DGCR2: variants seen among roughly 807,000 people sequenced by gnomAD.
The protein encoded by DGCR2 is DiGeorge syndrome critical region gene 2.
Under a neutral mutation model 51.6 loss-of-function variants are expected in DGCR2, and 24 were observed. The observed-to-expected ratio is 0.47, with a 90% CI of 0.34 to 0.65. The LOEUF (loss-of-function observed/expected upper bound fraction) is 0.65. DGCR2 is among the 30% of genes least tolerant of loss of function. The pLI is 0.01. For missense variants in DGCR2, 765 were observed against 772.1 expected, an observed-to-expected ratio of 0.99 and a Z score of 0.11; for synonymous variants, 340 against 315.4, an observed-to-expected ratio of 1.08 and a Z score of -0.82.
At chr22:19,045,788 G>A (rs1054846151) in intron 7 of DGCR2, among the ~76,000 whole-genome samples, 8 of 152,116 alleles carry the variant, frequency 5.3e-5, no homozygotes, top group South Asian at 2.1e-4. Context: ...GTACAGTGGC[G>A]TGATCTCAGC....
chr22:19,076,724 ATTTTTTTTTT>A (rs1165827499), intron 2 of DGCR2, among the ~76,000 whole-genome samples: 5 of 79,936 alleles, frequency 6.3e-5, no homozygotes, highest in African/African-American at 2.1e-4. Context: ...TCCTTTGCAC[ATTTTTTTTTT>A]TTTTTTTTTT....
chr22:19,077,741 T>C lies in DGCR2; in HGVS notation c.203-9516A>G, dbSNP rs1479194775. Among the ~76,000 whole-genome samples the C allele has an allele frequency of 3.3e-5, 5 of 152,164 alleles. No individual in the cohort carries two copies. The East Asian group carries it at 7.7e-4, about 23-fold the overall frequency. On this transcript the variant is annotated intron_variant, in intron 2 of 9. Coordinates refer to ENST00000263196, the MANE Select transcript of DGCR2 (RefSeq NM_005137.3). ...CAAAAAAAACTTGTTGGCATTTTAA[T>C]AGGGATTGAATCTGTAGATTGCTTT...
intron 1 of DGCR2, among the ~76,000 whole-genome samples, chr22:19,116,878 C>T (rs762576922): frequency 1.2e-4 from 19 of 152,194 alleles, no homozygotes; most frequent in South Asian, 2.1e-4. Context: ...ACTAGATCAC[C>T]TGTCATCACT....
intron 5 of DGCR2, among the ~76,000 whole-genome samples, chr22:19,062,779 A>ATTCATTCTCATT: frequency 7.9e-6 from 1 of 127,354 alleles, no homozygotes. Context: ...ATGCATGCTC[A>ATTCATTCTCATT]CTCTCTCTCT....
In DGCR2 at chr22:19,068,237, A is replaced by T. The variant is rs2082773002; in HGVS notation, c.203-12T>A. On this transcript the variant is annotated splice_polypyrimidine_tract_variant and intron_variant, in intron 2 of 9. Coordinates refer to ENST00000263196, the MANE Select transcript of DGCR2 (RefSeq NM_005137.3). ...CTCCCCGGTCACTTCTGAAAGCAAA[A>T]GGAGATGTGTGCTGTGAGTCCTGCC... 6.3e-7 allele frequency: 1 copy of T among 1,583,588 alleles called. No homozygotes were observed. The highest frequency in any genetic ancestry group is 2.3e-5 in the East Asian group (1 of 44,020).
At position 19,048,647 on chromosome 22, in the gene DGCR2, C is replaced by G; in HGVS notation, c.803-4G>C. ...TTGATGTCAACACATGTTTGACCTGCAATGAGCATACATTGTGTACAGATG... is the reference window on the plus strand; with the variant it reads ...TTGATGTCAACACATGTTTGACCTGGAATGAGCATACATTGTGTACAGATG... On this transcript the variant is annotated splice_region_variant and splice_polypyrimidine_tract_variant and intron_variant, in intron 6 of 9. Coordinates refer to ENST00000263196, the MANE Select transcript of DGCR2 (RefSeq NM_005137.3). 6.2e-7 allele frequency: 1 copy of G among 1,614,088 alleles called. No homozygotes were observed. Among genetic ancestry groups the G allele is most frequent in the Non-Finnish European group, 8.5e-7 (1 of 1,179,950 alleles).
intron 2 of DGCR2, among the ~76,000 whole-genome samples, chr22:19,073,408 G>A (rs1449072256): frequency 6.6e-6 from 1 of 152,168 alleles, no homozygotes; most frequent in Non-Finnish European, 1.5e-5. Context: ...CAATCCAAGA[G>A]CTCCAATTCC....
At position 19,099,098 on chromosome 22, in the gene DGCR2, A is replaced by C. The variant is rs2083172155; in HGVS notation, c.80-9608T>G. On this transcript the variant is annotated intron_variant, in intron 1 of 9. Coordinates refer to ENST00000263196, the MANE Select transcript of DGCR2 (RefSeq NM_005137.3). ...TCAAGCCGGGTCTATTCTGGAAGCA[A>C]CTGAAGATGTGGATCACTCATTAAC... Among the ~76,000 whole-genome samples, 3 of 152,188 alleles carry C rather than the reference A, an allele frequency of 2.0e-5. No individual in the cohort carries two copies. The South Asian group carries it at 6.2e-4, about 31-fold the overall frequency.
chr22:19,076,416 C>A (rs902893396), intron 2 of DGCR2, among the ~76,000 whole-genome samples: 2 of 152,062 alleles, frequency 1.3e-5, no homozygotes, highest in Non-Finnish European at 2.9e-5. Context: ...CCGCCCGCCT[C>A]GGCCTCCCAA....
At chr22:19,100,695 G>A (rs1241631107) in intron 1 of DGCR2, among the ~76,000 whole-genome samples, 1 of 150,416 alleles carries the variant, frequency 6.6e-6, no homozygotes, top group Non-Finnish European at 1.5e-5. Flanking sequence ...CACATCAGCA[G>A]TTCCTAGACT....
chr22:19,112,143 C>T (rs561523089), intron 1 of DGCR2, among the ~76,000 whole-genome samples: 55 of 151,852 alleles, frequency 3.6e-4, no homozygotes, highest in African/African-American at 1.2e-3. Flanking sequence ...CGTGGTGGCA[C>T]GCACCTGTAG....
rs767702771 is a variant in DGCR2 at position 19,068,208 on chromosome 22, G to A, written c.220C>T (p.Arg74Cys). The A allele has an allele frequency of 3.1e-6, 5 of 1,604,050 alleles. No homozygotes were observed. Among genetic ancestry groups the A allele is most frequent in the South Asian group, 2.2e-5 (2 of 89,858 alleles). ...ANCPEVTGEVRPHHGKEAVDP... is the reference protein window; with the variant it reads ...ANCPEVTGEVCPHHGKEAVDP... The stretch of plus-strand genomic sequence containing the variant: ...ACAGCCTCCTTCCCATGATGAGGAC[G>A]CACCTCCCCGGTCACTTCTGAAAGC... Residue 74 changes from arginine (R) to cysteine (C), a missense_variant, in exon 3 of 10, where the codon CGT (arginine) becomes TGT (cysteine). By Grantham distance (180) the Arg-to-Cys change is radical. Coordinates refer to ENST00000263196, the MANE Select transcript of DGCR2 (RefSeq NM_005137.3).
intron 2 of DGCR2, among the ~76,000 whole-genome samples, chr22:19,089,079 A>C (rs1171063717): frequency 1.3e-5 from 2 of 152,124 alleles, no homozygotes; most frequent in African/African-American, 4.8e-5. Context: ...AGGGGTTCAC[A>C]CTCAAGATCA....
intron 1 of DGCR2, among the ~76,000 whole-genome samples, chr22:19,114,772 T>C (rs147957645): frequency 6.6e-6 from 1 of 152,082 alleles, no homozygotes; most frequent in East Asian, 1.9e-4. Flanking sequence ...TATGAACTCC[T>C]AAGGAAGGTT....
intron 5 of DGCR2, among the ~76,000 whole-genome samples, chr22:19,062,142 C>A (rs758770039): frequency 1.3e-5 from 2 of 152,210 alleles, no homozygotes; most frequent in African/African-American, 2.4e-5. Flanking sequence ...ACCCAGAAGC[C>A]ATTGATTAGT....
intron 1 of DGCR2, among the ~76,000 whole-genome samples, chr22:19,108,947 C>G (rs2083287430): frequency 6.6e-6 from 1 of 152,010 alleles, no homozygotes; most frequent in African/African-American, 2.4e-5. Context: ...AGGAGGATCA[C>G]TTGAACCCAG....
rs1401947072 is a variant in DGCR2, at chr22:19,120,016, C to A, written c.79+2112G>T. Among the ~76,000 whole-genome samples the A allele has an allele frequency of 2.6e-5, 4 of 152,278 alleles. No individual in the cohort carries two copies. In the South Asian group the frequency reaches 8.3e-4, roughly 32 times the overall value. ...CAGAGAAGCCCCAGCCTCTTGCAAG[C>A]ACCAGCCAGGCAGATCCCTGCAGCA... On this transcript the variant is annotated intron_variant, in intron 1 of 9. Transcript: ENST00000263196.
chr22:19,115,507 C>A (rs530660068), intron 1 of DGCR2, among the ~76,000 whole-genome samples: 96 of 152,382 alleles, frequency 6.3e-4, no homozygotes, highest in African/African-American at 2.2e-3. Flanking sequence ...AGGACTGCCA[C>A]AAGGCTCTCA....
intron 7 of DGCR2, among the ~76,000 whole-genome samples, chr22:19,042,703 C>T (rs904175684): frequency 2.0e-5 from 3 of 152,188 alleles, no homozygotes; most frequent in African/African-American, 7.2e-5. Flanking sequence ...CGGGTAGTGA[C>T]AGACTGGGAG....
Sources: allele counts gnomAD v4.1 joint callset (sites outside exome capture counted in the v4.1 genomes callset), GRCh38; gene constraint gnomAD v4.1.1; transcripts MANE v1.5; gene names NCBI Gene and HGNC (gene_info 2026-07-23, HGNC 2026-07-21).